The following VPS13A variants were observed in gnomAD, a reference collection of about 807,000 sequenced individuals.
VPS13A encodes the protein intermembrane lipid transfer protein VPS13A.
VPS13A carries 264 observed loss-of-function variants against 390.9 expected under a neutral mutation model. The ratio of observed to expected loss-of-function variants is 0.68; its 90% CI spans 0.61 to 0.75. VPS13A has a LOEUF of 0.75. VPS13A is among the 30% of genes least tolerant of loss of function. VPS13A has a pLI of 0.00. For synonymous variants in VPS13A, 1,231 were observed against 1,227.1 expected (o/e 1.00, Z -0.07); for missense variants, 3,409 against 3,733.9 (o/e 0.91, Z 2.27).
intron 31 of VPS13A, among the ~76,000 whole-genome samples, chr9:77,285,503 C>T (rs1319243143): frequency 2.0e-5 from 3 of 152,072 alleles, no homozygotes; most frequent in Non-Finnish European, 4.4e-5. Context: ...ATATCTTCTT[C>T]ATAAAAAATA....
chr9:77,411,660 C>CAA lies in VPS13A; in HGVS notation c.9474+4077_9474+4078dup, dbSNP rs1169254413. Reference sequence around the variant, plus strand: ...CCTAGGCAACAGCAAAACTCCATCTCAAAAAAAAAAAAAAAAAAAAAAAAA... The same window carrying CAA: ...CCTAGGCAACAGCAAAACTCCATCTCAAAAAAAAAAAAAAAAAAAAAAAAAAA... On this transcript the variant is annotated intron_variant, in intron 71 of 71. Coordinates refer to ENST00000360280, the MANE Select transcript of VPS13A (RefSeq NM_033305.3). Among the ~76,000 whole-genome samples the CAA allele has an allele frequency of 5.5e-3, 186 of 33,650 alleles. 4 individuals carry two copies. The highest frequency in any genetic ancestry group is 8.1e-3 in the East Asian group (10 of 1,242). 22.1% of individuals were successfully genotyped at this position (33,650 alleles called of 152,430 possible).
chr9:77,410,232 G>GGC, intron 71 of VPS13A, among the ~76,000 whole-genome samples: 2 of 152,070 alleles, frequency 1.3e-5, no homozygotes, highest in South Asian at 2.1e-4. Context: ...ATCCTTTACA[G>GGC]AAAGGCAAAT....
rs1236651659 is a variant in VPS13A, at chr9:77,282,246, AG to A, written c.3091del (p.Asp1031ThrfsTer9). On this transcript the variant is annotated frameshift_variant, in exon 29 of 72. Coordinates refer to ENST00000360280, the MANE Select transcript of VPS13A (RefSeq NM_033305.3). LOFTEE classifies it high-confidence loss of function. The part of the protein sequence containing the change: ...SAPVSTTETE[D>X]KGDVIKKLAL... ...CCCCAGTGTCCACTACAGAGACTGA[AG>A]ACAAAGGAGATGTCATTAAAAAATT... The A allele has an allele frequency of 6.2e-7, 1 of 1,613,218 alleles. No individual in the cohort carries two copies. The highest frequency in any genetic ancestry group is 8.5e-7 in the Non-Finnish European group (1 of 1,179,714).
Position 77,370,480 on chromosome 9 carries a change from A to G in VPS13A, c.8809A>G (p.Met2937Val). ...GGCTAAGGGGGTAGCAGCTATGACC[A>G]TGGATGAAGACTACCAACAGAAGAG... is the stretch of plus-strand genomic sequence containing the variant. ...AMAKGVAAMT[M>V]DEDYQQKRRE... is the part of the protein sequence containing the mutation. The change falls in exon 65 of 72, where the codon ATG becomes GTG. Residue 2937 changes from methionine (M) to valine (V), a missense_variant. Met to Val is a conservative substitution (Grantham distance 21, BLOSUM62 1). This residue lies in a region of VPS13A where 318 missense variants were observed against 333.7 expected (regional missense o/e 0.95). Transcript: ENST00000360280. 1.9e-6 allele frequency: 3 copies of G among 1,614,212 alleles called. No homozygotes were observed. Among genetic ancestry groups the G allele is most frequent in the Non-Finnish European group, 2.5e-6 (3 of 1,180,028 alleles).
intron 27 of VPS13A, among the ~76,000 whole-genome samples, chr9:77,280,735 C>T (rs1250489987): frequency 6.6e-6 from 1 of 152,028 alleles, no homozygotes; most frequent in African/African-American, 2.4e-5. Flanking sequence ...CGTGTTTCTG[C>T]GTCAGACTAT....
chr9:77,287,626 T>C (rs1827409293), intron 31 of VPS13A, among the ~76,000 whole-genome samples: 1 of 152,174 alleles, frequency 6.6e-6, no homozygotes, highest in Non-Finnish European at 1.5e-5. Flanking sequence ...AGCAGGGTAA[T>C]GTGACAGGTA....
chr9:77,385,541 A>C (rs1833645957), intron 68 of VPS13A, among the ~76,000 whole-genome samples: 1 of 152,046 alleles, frequency 6.6e-6, no homozygotes, highest in South Asian at 2.1e-4. Context: ...TATATCTCTG[A>C]AAGATCCATT....
Position 77,250,102 on chromosome 9 carries a change from G to A in VPS13A, c.2043G>A (p.Thr681=), listed in dbSNP as rs1375726347. 9 of 1,613,474 alleles carry A rather than the reference G, an allele frequency of 5.6e-6. No homozygotes were observed. Among genetic ancestry groups the A allele is most frequent in the East Asian group, 2.2e-5 (1 of 44,798 alleles). ...LLLDLGHLKV[T]SKSRSELPDV... ...CTATTAAAATTAACTTGAAGGTGACGAGTAAAAGTCGTTCTGAATTACCAG... is the reference window on the plus strand; with the variant it reads ...CTATTAAAATTAACTTGAAGGTGACAAGTAAAAGTCGTTCTGAATTACCAG... The change falls in exon 21 of 72, where the codon ACG becomes ACA. Residue 681 remains threonine (T), a synonymous_variant. Transcript: ENST00000360280.
intron 19 of VPS13A, among the ~76,000 whole-genome samples, chr9:77,241,898 G>A (rs1824521622): frequency 1.3e-5 from 2 of 152,130 alleles, no homozygotes; most frequent in Non-Finnish European, 2.9e-5. Context: ...CCCCCTGTGA[G>A]AGTGTTTTAG....
At chr9:77,389,407 G>C (rs1169182870) in intron 68 of VPS13A, among the ~76,000 whole-genome samples, 1 of 150,836 alleles carries the variant, frequency 6.6e-6, no homozygotes, top group Non-Finnish European at 1.5e-5. Flanking sequence ...ATGGACTGAA[G>C]TAGTCCTCCT....
intron 26 of VPS13A, 139 bp downstream of exon 26, chr9:77,276,360 T>A: frequency 1.2e-6 from 1 of 813,722 alleles, no homozygotes; most frequent in Non-Finnish European, 1.8e-6. Context: ...TGAGTTAATC[T>A]TTAACTTTTA....
intron 35 of VPS13A, among the ~76,000 whole-genome samples, chr9:77,309,052 T>A (rs888545638): frequency 1.3e-5 from 2 of 151,972 alleles, no homozygotes. Flanking sequence ...AAACAGACAA[T>A]TGAGGTGACA....
chr9:77,322,989 T>C, intron 44 of VPS13A, 78 bp from the exon 45 acceptor site: 1 of 1,167,158 alleles, frequency 8.6e-7, no homozygotes, highest in Non-Finnish European at 1.2e-6. Context: ...TCATCTGAAA[T>C]TTCTAATATG....
intron 24 of VPS13A, among the ~76,000 whole-genome samples, chr9:77,273,762 G>T (rs1253782420): frequency 3.3e-5 from 5 of 152,190 alleles, no homozygotes; most frequent in Non-Finnish European, 7.3e-5. Context: ...AGATATGTCA[G>T]TGTTTTCTCC....
chr9:77,347,932 A>G (rs537147506), intron 52 of VPS13A, among the ~76,000 whole-genome samples: 3 of 151,746 alleles, frequency 2.0e-5, no homozygotes, highest in Non-Finnish European at 2.9e-5. Context: ...TCTTTCAGCT[A>G]GAAAAATGCC....
At chr9:77,355,247 T>C (rs540174355) in intron 54 of VPS13A, among the ~76,000 whole-genome samples, 1 of 152,354 alleles carries the variant, frequency 6.6e-6, no homozygotes, top group South Asian at 2.1e-4. Flanking sequence ...ACTGGTTTTG[T>C]CAGCATTACC....
rs2131517882 is a variant in VPS13A, at chr9:77,343,548, T to C, written c.7027-605T>C. On this transcript the variant is annotated intron_variant, in intron 50 of 71. Transcript: ENST00000360280. ...CTTTTAGCTCTGTTTCCAGATTCTT[T>C]TGTCCAGTCTTCTCTGTAGTACCTT... Among the ~76,000 whole-genome samples, 2 of 152,342 alleles carry C rather than the reference T, an allele frequency of 1.3e-5. 1 individual carries two copies. Among genetic ancestry groups the C allele is most frequent in the Middle Eastern group, 6.8e-3 (2 of 294 alleles).
chr9:77,353,200 A>G (rs1831566481), intron 53 of VPS13A, among the ~76,000 whole-genome samples: 1 of 152,076 alleles, frequency 6.6e-6, no homozygotes, highest in South Asian at 2.1e-4. Context: ...CTTTATGAGT[A>G]ATAATTTTAT....
At position 77,260,235 on chromosome 9, in the gene VPS13A, T is replaced by A. The variant is rs761914447; in HGVS notation, c.2427+11T>A. The A allele has an allele frequency of 6.2e-7, 1 of 1,611,990 alleles. No individual in the cohort carries two copies. Among genetic ancestry groups the A allele is most frequent in the African/African-American group, 1.3e-5 (1 of 74,874 alleles). On this transcript the variant is annotated intron_variant, in intron 23 of 71. Coordinates refer to ENST00000360280, the MANE Select transcript of VPS13A (RefSeq NM_033305.3). ...GTCAAATCATTCCAGGTAATGTTAC[T>A]TTCAAAATTAATATAAGCATGAATT...
Sources: gnomAD v4.1 joint callset for allele counts (sites outside exome capture counted in the v4.1 genomes callset) on GRCh38, gnomAD v4.1.1 for gene constraint, gnomAD v4.1.1 regional missense constraint, MANE v1.5 for transcripts, NCBI Gene and HGNC (gene_info 2026-07-23, HGNC 2026-07-21) for gene names.